Variants in COL5A2 observed in about 807,000 individuals in gnomAD.
COL5A2 encodes collagen type V alpha 2 chain.
A neutral mutation model predicts 208.2 loss-of-function variants in COL5A2; 23 were observed. The ratio of observed to expected loss-of-function variants is 0.11; its 90% CI spans 0.08 to 0.16. COL5A2 has a LOEUF of 0.16. Among genes scored for constraint, COL5A2 ranks in the 10% least tolerant of loss-of-function variants. COL5A2 has a pLI of 1.00. For missense variants in COL5A2, 1,590 were observed against 1,956.4 expected (o/e 0.81, Z 3.53); for synonymous variants, 625 against 628.5 (o/e 0.99, Z 0.08).
At chr2:189,299,031 T>G in the COL5A2 span, among the ~76,000 whole-genome samples, 1 of 152,216 alleles carries the variant, frequency 6.6e-6, no homozygotes, top group African/African-American at 2.4e-5. Flanking sequence ...TTTAACATTT[T>G]TAATGCTATC....
At chr2:189,150,388 A>G (rs545518703) in intron 1 of COL5A2, among the ~76,000 whole-genome samples, 3 of 152,202 alleles carry the variant, frequency 2.0e-5, no homozygotes, top group Non-Finnish European at 2.9e-5. Flanking sequence ...TCATTCTGTC[A>G]TATCAATATA....
At chr2:189,109,947 T>C (rs1687227825) in intron 2 of COL5A2, among the ~76,000 whole-genome samples, 2 of 152,146 alleles carry the variant, frequency 1.3e-5, no homozygotes, top group Admixed American at 1.3e-4. Context: ...TGGTAACAAA[T>C]GATCATCTTA....
intron 1 of COL5A2, among the ~76,000 whole-genome samples, chr2:189,145,092 T>C (rs544306569): frequency 6.6e-6 from 1 of 152,276 alleles, no homozygotes; most frequent in Non-Finnish European, 1.5e-5. Context: ...TTCCTATATG[T>C]ATGAAACAGT....
chr2:189,051,179 C>T, intron 42 of COL5A2, 141 bp downstream of exon 42: 3 of 962,340 alleles, frequency 3.1e-6, no homozygotes, highest in South Asian at 1.7e-5. Context: ...TTCCTAAAGC[C>T]TTATAGATTT....
the COL5A2 span, among the ~76,000 whole-genome samples, chr2:189,238,282 C>T: frequency 1.3e-5 from 2 of 152,028 alleles, no homozygotes; most frequent in African/African-American, 4.8e-5. Flanking sequence ...TCCCACTGAG[C>T]ATCGCCATCT....
At chr2:189,232,196 C>G in the COL5A2 span, among the ~76,000 whole-genome samples, 1 of 151,722 alleles carries the variant, frequency 6.6e-6, no homozygotes, top group South Asian at 2.1e-4. Flanking sequence ...CTTCGTAAAC[C>G]TTCTGAATTT....
intron 1 of COL5A2, among the ~76,000 whole-genome samples, chr2:189,212,950 G>A (rs540301823): frequency 2.6e-5 from 4 of 151,722 alleles, no homozygotes; most frequent in South Asian, 4.2e-4. Context: ...GTGTGACAGC[G>A]CGATCTGAGC....
At chr2:189,349,764 T>C in the COL5A2 span, among the ~76,000 whole-genome samples, 17 of 152,296 alleles carry the variant, frequency 1.1e-4, no homozygotes, top group African/African-American at 3.1e-4. Context: ...CATCAGATAA[T>C]AGAATCCTCA....
the COL5A2 span, among the ~76,000 whole-genome samples, chr2:189,433,767 G>C: frequency 6.6e-6 from 1 of 152,110 alleles, no homozygotes; most frequent in African/African-American, 2.4e-5. Context: ...GGAGGAACTG[G>C]TACCATTCCT....
the COL5A2 span, among the ~76,000 whole-genome samples, chr2:189,252,605 C>A: frequency 6.6e-6 from 1 of 151,672 alleles, no homozygotes; most frequent in Non-Finnish European, 1.5e-5. Flanking sequence ...CACACCAGGG[C>A]CTGTTGTGGG....
the COL5A2 span, among the ~76,000 whole-genome samples, chr2:189,419,109 T>C: frequency 6.6e-6 from 1 of 152,200 alleles, no homozygotes; most frequent in Non-Finnish European, 1.5e-5. Flanking sequence ...AGCATCTTCA[T>C]GCTCTTTAAA....
At chr2:189,427,366 G>A in the COL5A2 span, among the ~76,000 whole-genome samples, 3 of 152,236 alleles carry the variant, frequency 2.0e-5, no homozygotes, top group South Asian at 4.1e-4. Context: ...TTTAGAAAAC[G>A]TATGGAATAG....
At chr2:189,046,725 A>C (rs57047644) in intron 45 of COL5A2, among the ~76,000 whole-genome samples, 2,672 of 152,202 alleles carry the variant, frequency 0.018, 25 homozygotes, top group Non-Finnish European at 0.02. Context: ...TTGACTGATA[A>C]ATTTATCAAC....
At chr2:189,399,252 A>ATT in the COL5A2 span, among the ~76,000 whole-genome samples, 4,425 of 140,498 alleles carry the variant, frequency 0.031, 76 homozygotes, top group Admixed American at 0.043. Flanking sequence ...TTATTTTACG[A>ATT]TTTTTTTTTT....
chr2:189,123,258 C>G (rs1408991504), intron 1 of COL5A2, among the ~76,000 whole-genome samples: 1 of 152,192 alleles, frequency 6.6e-6, no homozygotes, highest in Non-Finnish European at 1.5e-5. Context: ...GCCACTGCGC[C>G]AGGCCTAAAA....
the COL5A2 span, among the ~76,000 whole-genome samples, chr2:189,416,268 T>A: frequency 6.6e-6 from 1 of 152,194 alleles, no homozygotes; most frequent in Non-Finnish European, 1.5e-5. Context: ...ACATGTATGT[T>A]TATTGCGGCA....
the COL5A2 span, among the ~76,000 whole-genome samples, chr2:189,252,667 C>T: frequency 5.5e-4 from 83 of 151,896 alleles, no homozygotes; most frequent in African/African-American, 1.8e-3. Context: ...AAGTAAATGA[C>T]GAGTTAAGGG....
the COL5A2 span, among the ~76,000 whole-genome samples, chr2:189,353,904 A>C: frequency 6.6e-6 from 1 of 152,206 alleles, no homozygotes; most frequent in Admixed American, 6.5e-5. Flanking sequence ...TTGCCCATTT[A>C]GTATGATATT....
At chr2:189,242,131 C>T in the COL5A2 span, among the ~76,000 whole-genome samples, 1 of 152,106 alleles carries the variant, frequency 6.6e-6, no homozygotes, top group Non-Finnish European at 1.5e-5. Context: ...ATAGTGTGAA[C>T]ATTTTTCATC....
Sources: gnomAD v4.1 joint callset for allele counts (sites outside exome capture counted in the v4.1 genomes callset) on GRCh38, gnomAD v4.1.1 for gene constraint, MANE v1.5 for transcripts, NCBI Gene and HGNC (gene_info 2026-07-23, HGNC 2026-07-21) for gene names.